The following DPYD variants were observed in gnomAD, a reference collection of about 807,000 sequenced individuals.
The protein encoded by DPYD is dihydropyrimidine dehydrogenase.
A neutral mutation model predicts 116.2 loss-of-function variants in DPYD; 109 were observed. The observed-to-expected ratio is 0.94, with a 90% CI of 0.80 to 1.10. The LOEUF is 1.10. Ranked by LOEUF, DPYD falls within the 50% of genes least tolerant of loss-of-function variation. The pLI is 0.00. For missense variants in DPYD, 1,302 were observed against 1,254.5 expected (o/e 1.04, Z -0.57); for synonymous variants, 440 against 432.0 (o/e 1.02, Z -0.23).
chr1:97,920,774 G>C, intron 1 of DPYD, 110 bp downstream of exon 1: 1 of 1,434,408 alleles, frequency 7.0e-7, no homozygotes, highest in Non-Finnish European at 9.5e-7. Flanking sequence ...AAACTTTCCC[G>C]CGTCTCTCAC....
At chr1:97,899,380 A>ACCTCTCCT (rs1318125722) in intron 1 of DPYD, among the ~76,000 whole-genome samples, 1 of 151,864 alleles carries the variant, frequency 6.6e-6, no homozygotes, top group Non-Finnish European at 1.5e-5. Context: ...CTCCATTGGG[A>ACCTCTCCT]GAGGACAACT....
chr1:97,406,904 T>G (rs1673689521), intron 14 of DPYD, among the ~76,000 whole-genome samples: 1 of 152,154 alleles, frequency 6.6e-6, no homozygotes, highest in Admixed American at 6.6e-5. Flanking sequence ...AAAGGTGTGT[T>G]TTCCACATAA....
Position 97,098,488 on chromosome 1 carries a change from C to T in DPYD, c.2766+1G>A, listed in dbSNP as rs1355754530. 28 of 1,612,190 alleles carry T rather than the reference C, an allele frequency of 1.7e-5. No individual in the cohort carries two copies. Among genetic ancestry groups the T allele is most frequent in the Non-Finnish European group, 2.2e-5 (26 of 1,179,024 alleles). ...ACTTATATAGTTGGCATAATTTTTA[C>T]CTTGATGGTAGGAATAGGCCTTTTG... On this transcript the variant is annotated splice_donor_variant, in intron 21 of 22. Coordinates refer to ENST00000370192, the MANE Select transcript of DPYD (RefSeq NM_000110.4). LOFTEE classifies it high-confidence loss of function.
chr1:97,784,429 G>C (rs952527673), intron 3 of DPYD, among the ~76,000 whole-genome samples: 5 of 152,086 alleles, frequency 3.3e-5, no homozygotes, highest in African/African-American at 1.2e-4. Context: ...AGGACATAAA[G>C]AACAAGAGAA....
intron 13 of DPYD, among the ~76,000 whole-genome samples, chr1:97,510,279 T>C (rs550974068): frequency 2.6e-5 from 4 of 151,962 alleles, no homozygotes; most frequent in African/African-American, 9.6e-5. Context: ...CCTGAAAATA[T>C]GTGCCAAACT....
At chr1:97,769,119 C>T (rs1228024175) in intron 3 of DPYD, among the ~76,000 whole-genome samples, 2 of 151,828 alleles carry the variant, frequency 1.3e-5, no homozygotes, top group Admixed American at 6.6e-5. Flanking sequence ...ACAGAATATC[C>T]CAGATTCTTT....
chr1:97,739,754 T>C (rs918830879), intron 4 of DPYD, among the ~76,000 whole-genome samples: 1 of 151,998 alleles, frequency 6.6e-6, no homozygotes, highest in African/African-American at 2.4e-5. Context: ...ACAAAAACAA[T>C]AGGTACTATC....
intron 16 of DPYD, among the ~76,000 whole-genome samples, chr1:97,341,281 G>A (rs180939177): frequency 7.9e-5 from 12 of 151,350 alleles, no homozygotes; most frequent in Admixed American, 2.6e-4. Context: ...ATATACATGC[G>A]GACATGTATA....
intron 3 of DPYD, among the ~76,000 whole-genome samples, chr1:97,766,711 C>T (rs1241517896): frequency 6.6e-6 from 1 of 152,118 alleles, no homozygotes; most frequent in African/African-American, 2.4e-5. Flanking sequence ...TACAAAGAAG[C>T]ATTCTTGAAA....
At chr1:97,883,198 A>G (rs1188770925) in intron 2 of DPYD, 66 bp downstream of exon 2, 4 of 1,031,786 alleles carry the variant, frequency 3.9e-6, no homozygotes, top group Admixed American at 1.7e-5. Context: ...TGTATGTAAA[A>G]TCTTGCCTTA....
At chr1:97,528,127 T>A (rs936390107) in intron 12 of DPYD, among the ~76,000 whole-genome samples, 2 of 152,206 alleles carry the variant, frequency 1.3e-5, no homozygotes, top group African/African-American at 4.8e-5. Flanking sequence ...CTTCGCTCTT[T>A]GAAGAAATAT....
At chr1:97,908,048 T>C (rs1175271084) in intron 1 of DPYD, among the ~76,000 whole-genome samples, 6 of 152,040 alleles carry the variant, frequency 3.9e-5, no homozygotes, top group Non-Finnish European at 8.8e-5. Context: ...TTTCATTTTT[T>C]TCCCCTTTCT....
At chr1:97,883,488 C>G (rs1004732534) in intron 1 of DPYD, 114 bp from the exon 2 acceptor site, 6 of 839,622 alleles carry the variant, frequency 7.1e-6, no homozygotes, top group African/African-American at 6.8e-5. Context: ...ACTTTGTCAC[C>G]CAGGCTGGAG....
intron 16 of DPYD, among the ~76,000 whole-genome samples, chr1:97,352,916 C>A (rs533955900): frequency 6.6e-6 from 1 of 151,790 alleles, no homozygotes; most frequent in African/African-American, 2.4e-5. Flanking sequence ...GTAAGGCAAA[C>A]GACGCATGAC....
chr1:97,696,065 G>A (rs750573478), intron 6 of DPYD, among the ~76,000 whole-genome samples: 12 of 151,782 alleles, frequency 7.9e-5, no homozygotes, highest in Non-Finnish European at 1.8e-4. Context: ...CGGAGGTGGA[G>A]GTTGCAGTGA....
chr1:97,315,059 G>A lies in DPYD; in HGVS notation c.2059-8762C>T, dbSNP rs117613517. 8.9e-4 allele frequency among the ~76,000 whole-genome samples: 136 copies of A among 152,038 alleles called. 2 individuals are homozygous for A. In the East Asian group the frequency reaches 0.023, roughly 26 times the overall value. Reference sequence around the variant, plus strand: ...TAACTTTCTGCAATGTTGAGGAGTCGCATAACTTTTCACGAGAACTGATGA... The same window carrying A: ...TAACTTTCTGCAATGTTGAGGAGTCACATAACTTTTCACGAGAACTGATGA... On this transcript the variant is annotated intron_variant, in intron 16 of 22. Coordinates refer to ENST00000370192, the MANE Select transcript of DPYD (RefSeq NM_000110.4).
chr1:97,750,567 T>C (rs1007717737), intron 3 of DPYD, among the ~76,000 whole-genome samples: 1 of 152,158 alleles, frequency 6.6e-6, no homozygotes. Context: ...TTATCCTAAG[T>C]AATTTTTACT....
rs78425304 is a variant in DPYD at position 97,313,888 on chromosome 1, A to G, written c.2059-7591T>C. On this transcript the variant is annotated intron_variant, in intron 16 of 22. Coordinates refer to ENST00000370192, the MANE Select transcript of DPYD (RefSeq NM_000110.4). ...TTTAGGGGATGTATTTTACTCTTTTATCCTAGCAAAGAGCCTGGTACATGA... is the reference window on the plus strand; with the variant it reads ...TTTAGGGGATGTATTTTACTCTTTTGTCCTAGCAAAGAGCCTGGTACATGA... Among the ~76,000 whole-genome samples, 1,055 of 151,996 alleles carry G rather than the reference A, an allele frequency of 6.9e-3. 22 individuals are homozygous for G. The highest frequency in any genetic ancestry group is 0.024 in the African/African-American group (993 of 41,502).
intron 19 of DPYD, 102 bp from the exon 20 acceptor site, chr1:97,193,350 G>A (rs907592374): frequency 7.9e-7 from 1 of 1,269,424 alleles, no homozygotes; most frequent in Non-Finnish European, 1.1e-6. Context: ...TATGTGCCAG[G>A]CACTGTTTGA....
Sources: allele counts gnomAD v4.1 joint callset (sites outside exome capture counted in the v4.1 genomes callset), GRCh38; gene constraint gnomAD v4.1.1; transcripts MANE v1.5; gene names NCBI Gene and HGNC (gene_info 2026-07-23, HGNC 2026-07-21).